The following CAB39L variants were observed in gnomAD, a reference collection of about 807,000 sequenced individuals.
CAB39L encodes the protein calcium-binding protein 39-like.
Under a neutral mutation model 39.1 loss-of-function variants are expected in CAB39L, and 23 were observed. The observed-to-expected ratio is 0.59, with a 90% CI of 0.42 to 0.83. The LOEUF is 0.83. Among genes scored for constraint, CAB39L ranks in the 40% least tolerant of loss-of-function variants. The pLI is 0.00. For synonymous variants in CAB39L, 126 were observed against 137.2 expected (o/e 0.92, Z 0.57); for missense variants, 366 against 391.9 (o/e 0.93, Z 0.56).
In CAB39L at chr13:49,359,756, T is replaced by C. The variant is rs1432359884; in HGVS notation, c.353A>G (p.Tyr118Cys). ...QIGTRSPTVE[Y>C]ISAHPHILFM... ...CAGGATATGAGGATGAGCACTAATA[T>C]ACTCCACAGTAGGACTCCGAGTGCC... The change falls in exon 6 of 11, where the codon TAT becomes TGT. Residue 118 changes from tyrosine to cysteine, a missense_variant. By Grantham distance (194) the Tyr-to-Cys change is radical. Transcript: ENST00000409308. 1.2e-6 allele frequency: 2 copies of C among 1,612,252 alleles called. No individual in the cohort carries two copies. Among genetic ancestry groups the C allele is most frequent in the East Asian group, 2.2e-5 (1 of 44,858 alleles).
intron 1 of CAB39L, among the ~76,000 whole-genome samples, chr13:49,440,526 C>CACT (rs1957493140): frequency 6.6e-6 from 1 of 151,740 alleles, no homozygotes; most frequent in Non-Finnish European, 1.5e-5. Context: ...TTGAAACAAG[C>CACT]TACACATTCA....
intron 10 of CAB39L, among the ~76,000 whole-genome samples, chr13:49,326,550 G>A (rs561803026): frequency 3.5e-4 from 53 of 152,228 alleles, no homozygotes; most frequent in African/African-American, 1.2e-3. Context: ...TGCACCCTAC[G>A]GAAGGTGCTC....
At chr13:49,363,134 C>T (rs570503800) in intron 5 of CAB39L, among the ~76,000 whole-genome samples, 2 of 152,176 alleles carry the variant, frequency 1.3e-5, no homozygotes, top group South Asian at 4.1e-4. Flanking sequence ...TGTTAATGAG[C>T]AAGAAGAAAT....
chr13:49,318,202 C>T (rs1374169396), intron 10 of CAB39L, among the ~76,000 whole-genome samples: 1 of 151,870 alleles, frequency 6.6e-6, no homozygotes, highest in African/African-American at 2.4e-5. Context: ...TGGCTCATGC[C>T]TGTAATCCCA....
chr13:49,429,924 T>C (rs1354796841), intron 3 of CAB39L, among the ~76,000 whole-genome samples: 5 of 152,220 alleles, frequency 3.3e-5, no homozygotes, highest in Non-Finnish European at 7.3e-5. Context: ...ATAAACATGC[T>C]TTGTTATTTG....
chr13:49,325,563 C>T (rs545748988), intron 10 of CAB39L, among the ~76,000 whole-genome samples: 2 of 151,970 alleles, frequency 1.3e-5, no homozygotes, highest in South Asian at 4.2e-4. Context: ...CTGAGACGGG[C>T]GGATCACCTG....
chr13:49,348,134 G>A (rs576745474), intron 7 of CAB39L, among the ~76,000 whole-genome samples: 6 of 152,162 alleles, frequency 3.9e-5, no homozygotes, highest in Admixed American at 3.9e-4. Context: ...CTTCAAACCC[G>A]GACGCTAGAG....
At chr13:49,417,274 G>A (rs559934434) in intron 3 of CAB39L, among the ~76,000 whole-genome samples, 2 of 152,310 alleles carry the variant, frequency 1.3e-5, no homozygotes, top group South Asian at 2.1e-4. Flanking sequence ...AGGGGATTGA[G>A]GAGAGTTGTG....
At chr13:49,353,786 C>T (rs2138479528) in intron 6 of CAB39L, among the ~76,000 whole-genome samples, 1 of 152,100 alleles carries the variant, frequency 6.6e-6, no homozygotes, top group East Asian at 1.9e-4. Context: ...ATATGTTTTA[C>T]TTATCCTGTT....
chr13:49,356,784 G>A (rs1955496917), intron 6 of CAB39L, among the ~76,000 whole-genome samples: 1 of 152,126 alleles, frequency 6.6e-6, no homozygotes. Context: ...GGTAACAGGG[G>A]CTGGGTGCGG....
rs556139150 is a variant in CAB39L, at chr13:49,419,306, T to C, written c.-32+14012A>G. On this transcript the variant is annotated intron_variant, in intron 3 of 10. Transcript: ENST00000409308. Reference sequence around the variant, plus strand: ...AGAACTATTCGATAAATATCAAGTCTTTCAAAAGTTCTTCAAAAGCTTATT... The same window carrying C: ...AGAACTATTCGATAAATATCAAGTCCTTCAAAAGTTCTTCAAAAGCTTATT... Among the ~76,000 whole-genome samples the C allele has an allele frequency of 3.9e-4, 60 of 152,376 alleles. 2 individuals are homozygous for C. The South Asian group carries it at 0.011, about 27-fold the overall frequency.
intron 5 of CAB39L, among the ~76,000 whole-genome samples, chr13:49,364,326 A>G (rs1955714100): frequency 1.3e-5 from 2 of 151,896 alleles, no homozygotes; most frequent in Non-Finnish European, 2.9e-5. Flanking sequence ...TGAAGGGCAA[A>G]TATTATTAGA....
intron 2 of CAB39L, 110 bp from the exon 3 acceptor site, chr13:49,433,503 A>G: frequency 2.6e-6 from 1 of 378,960 alleles, no homozygotes; most frequent in Non-Finnish European, 5.1e-6. Flanking sequence ...TTTCCATCAT[A>G]ATCAAATACT....
At chr13:49,376,558 A>C (rs372389845) in intron 5 of CAB39L, among the ~76,000 whole-genome samples, 20 of 152,348 alleles carry the variant, frequency 1.3e-4, no homozygotes, top group South Asian at 1.2e-3. Context: ...CTCTGAAGTA[A>C]GTGAGTGACT....
intron 3 of CAB39L, among the ~76,000 whole-genome samples, chr13:49,402,989 A>G (rs777719502): frequency 2.0e-5 from 3 of 152,182 alleles, no homozygotes; most frequent in Non-Finnish European, 2.9e-5. Flanking sequence ...GTTGTAGTAT[A>G]ATTAAAGAAA....
At chr13:49,339,258 G>A (rs1011319734) in intron 9 of CAB39L, among the ~76,000 whole-genome samples, 2 of 151,120 alleles carry the variant, frequency 1.3e-5, no homozygotes, top group African/African-American at 2.4e-5. Flanking sequence ...AGCCTCCCGA[G>A]TAGCTGAGAT....
intron 5 of CAB39L, among the ~76,000 whole-genome samples, chr13:49,362,294 C>T (rs1955658335): frequency 6.6e-6 from 1 of 151,906 alleles, no homozygotes; most frequent in Non-Finnish European, 1.5e-5. Flanking sequence ...GATATATGAC[C>T]TTTCAGACAG....
intron 1 of CAB39L, among the ~76,000 whole-genome samples, chr13:49,440,517 T>G (rs1229916487): frequency 1.3e-5 from 2 of 151,966 alleles, no homozygotes; most frequent in Non-Finnish European, 2.9e-5. Context: ...AAGTATAATT[T>G]GAAACAAGCT....
At chr13:49,431,592 A>G (rs1389489033) in intron 3 of CAB39L, among the ~76,000 whole-genome samples, 1 of 152,052 alleles carries the variant, frequency 6.6e-6, no homozygotes, top group Non-Finnish European at 1.5e-5. Flanking sequence ...CTGTAATCCC[A>G]GCTACTTATG....
Sources: gnomAD v4.1 joint callset for allele counts (sites outside exome capture counted in the v4.1 genomes callset) on GRCh38, gnomAD v4.1.1 for gene constraint, MANE v1.5 for transcripts, NCBI Gene and HGNC (gene_info 2026-07-23, HGNC 2026-07-21) for gene names.